The following KLF15 variants were observed in gnomAD, a reference collection of about 807,000 sequenced individuals.
The protein encoded by KLF15 is KLF transcription factor 15.
KLF15 carries 4 observed loss-of-function variants against 24.6 expected under a neutral mutation model. The ratio of observed to expected loss-of-function variants is 0.16; its 90% CI spans 0.08 to 0.37. KLF15 has a LOEUF of 0.37. KLF15 is among the 10% of genes least tolerant of loss of function. The pLI is 1.00. For synonymous variants in KLF15, 246 were observed against 236.3 expected (o/e 1.04, Z -0.37); for missense variants, 496 against 560.6 (o/e 0.88, Z 1.16).
At chr3:126,299,115 A>G in the KLF15 span, among the ~76,000 whole-genome samples, 3 of 151,842 alleles carry the variant, frequency 2.0e-5, no homozygotes, top group East Asian at 1.9e-4. Flanking sequence ...ATGTATTTCT[A>G]TTTCTTTGTG....
chr3:126,290,506 A>ACCTTCCTT, the KLF15 span, among the ~76,000 whole-genome samples: 56,402 of 144,402 alleles, frequency 0.39, 11,526 homozygotes, highest in East Asian at 0.52. Flanking sequence ...CTTCCTTCCT[A>ACCTTCCTT]CCTTCCTTCC....
At chr3:126,301,860 C>T in the KLF15 span, among the ~76,000 whole-genome samples, 2 of 151,918 alleles carry the variant, frequency 1.3e-5, no homozygotes, top group Non-Finnish European at 2.9e-5. Flanking sequence ...GGTGATCTAC[C>T]GGCCTCAGCC....
At chr3:126,317,867 T>C in the KLF15 span, among the ~76,000 whole-genome samples, 5 of 152,186 alleles carry the variant, frequency 3.3e-5, no homozygotes, top group African/African-American at 1.2e-4. Context: ...CTTCTGTCCC[T>C]CGGTCGGATT....
chr3:126,316,439 T>TGAGGGGGGAAGGGATACTATGGGCCG, the KLF15 span, among the ~76,000 whole-genome samples: 3 of 118,500 alleles, frequency 2.5e-5, no homozygotes, highest in Non-Finnish European at 5.2e-5. Context: ...TGCATGGGCC[T>TGAGGGGGGAAGGGATACTATGGGCCG]GAGTGGGGAA....
intron 2 of KLF15, 23 bp from the exon 3 acceptor site, chr3:126,343,918 C>A: frequency 6.4e-7 from 1 of 1,554,642 alleles, no homozygotes; most frequent in Non-Finnish European, 8.7e-7. Flanking sequence ...GCGCGGTCAG[C>A]GAGGCCTGGC....
At chr3:126,321,475 T>A in the KLF15 span, among the ~76,000 whole-genome samples, 3 of 152,260 alleles carry the variant, frequency 2.0e-5, no homozygotes, top group African/African-American at 7.2e-5. Flanking sequence ...TGGTTCCATC[T>A]GCAGCAGTGC....
the KLF15 span, among the ~76,000 whole-genome samples, chr3:126,318,246 T>C: frequency 2.0e-4 from 31 of 152,270 alleles, no homozygotes; most frequent in South Asian, 1.7e-3. Context: ...AGTTGAACTA[T>C]AGTAATTTCC....
At chr3:126,320,080 C>A in the KLF15 span, among the ~76,000 whole-genome samples, 1 of 152,094 alleles carries the variant, frequency 6.6e-6, no homozygotes, top group Non-Finnish European at 1.5e-5. Flanking sequence ...CCAAGGATCG[C>A]ACCTTCCTAG....
chr3:126,320,499 TAC>T, the KLF15 span, among the ~76,000 whole-genome samples: 3 of 148,786 alleles, frequency 2.0e-5, no homozygotes, highest in African/African-American at 7.5e-5. Flanking sequence ...TGCACACACA[TAC>T]ACACATACAG....
intron 2 of KLF15, among the ~76,000 whole-genome samples, chr3:126,344,841 G>A (rs933653040): frequency 2.0e-5 from 3 of 152,172 alleles, no homozygotes; most frequent in East Asian, 1.9e-4. Flanking sequence ...CCGACATTTC[G>A]CTTTCTTGGC....
chr3:126,304,576 C>T, the KLF15 span, among the ~76,000 whole-genome samples: 225 of 152,338 alleles, frequency 1.5e-3, 1 homozygote, highest in African/African-American at 5.1e-3. Flanking sequence ...TTTCTCCTCC[C>T]AGCACCTCCA....
At chr3:126,308,138 G>A in the KLF15 span, among the ~76,000 whole-genome samples, 1 of 152,212 alleles carries the variant, frequency 6.6e-6, no homozygotes, top group Non-Finnish European at 1.5e-5. Context: ...CCCTGAAGCA[G>A]ACTCTGAGAT....
chr3:126,297,649 T>C, the KLF15 span, among the ~76,000 whole-genome samples: 1 of 152,308 alleles, frequency 6.6e-6, no homozygotes, highest in Admixed American at 6.5e-5. Flanking sequence ...TTCTTATGCC[T>C]TCGCATCCTC....
the KLF15 span, among the ~76,000 whole-genome samples, chr3:126,317,109 C>T: frequency 0.073 from 11,047 of 152,192 alleles, 483 homozygotes; most frequent in South Asian, 0.15. Flanking sequence ...CTGCAAGCAG[C>T]ACCACAAGCC....
the KLF15 span, among the ~76,000 whole-genome samples, chr3:126,306,261 G>C: frequency 1.3e-5 from 2 of 152,060 alleles, no homozygotes; most frequent in African/African-American, 2.4e-5. Flanking sequence ...TCCTTTGAAG[G>C]ACTAAACACA....
chr3:126,323,475 A>ATATATGT, the KLF15 span, among the ~76,000 whole-genome samples: 1 of 41,170 alleles, frequency 2.4e-5, no homozygotes, highest in African/African-American at 1.2e-4. Flanking sequence ...TATATATGTT[A>ATATATGT]TATATATATA....
chr3:126,331,928 G>A, the KLF15 span, among the ~76,000 whole-genome samples: 8 of 152,208 alleles, frequency 5.3e-5, no homozygotes, highest in African/African-American at 1.2e-4. Flanking sequence ...CTACGCCCAC[G>A]GAATCTCACT....
At chr3:126,346,014 C>A (rs1482431307) in intron 2 of KLF15, among the ~76,000 whole-genome samples, 1 of 152,242 alleles carries the variant, frequency 6.6e-6, no homozygotes, top group Non-Finnish European at 1.5e-5. Context: ...CTTGACACAG[C>A]CCCCTGCCCT....
chr3:126,349,270 C>A (rs1373603770), intron 2 of KLF15, among the ~76,000 whole-genome samples: 1 of 152,156 alleles, frequency 6.6e-6, no homozygotes, highest in East Asian at 1.9e-4. Flanking sequence ...TGAGTTACCC[C>A]ACCAGGGCCA....
Sources: gnomAD v4.1 joint callset for allele counts (sites outside exome capture counted in the v4.1 genomes callset) on GRCh38, gnomAD v4.1.1 for gene constraint, MANE v1.5 for transcripts, NCBI Gene and HGNC (gene_info 2026-07-23, HGNC 2026-07-21) for gene names.